NLGN1: variants seen among roughly 807,000 people sequenced by gnomAD.
The protein encoded by NLGN1 is neuroligin-1.
A neutral mutation model predicts 65.5 loss-of-function variants in NLGN1; 12 were observed. The observed-to-expected ratio is 0.18, with a 90% CI of 0.12 to 0.30. The LOEUF is 0.30. NLGN1 is among the 10% of genes least tolerant of loss of function. NLGN1 has a pLI of 1.00. For synonymous variants in NLGN1, 350 were observed against 359.5 expected, an observed-to-expected ratio of 0.97 and a Z score of 0.30; for missense variants, 750 against 1,007.1, an observed-to-expected ratio of 0.74 and a Z score of 3.46.
intron 2 of NLGN1, among the ~76,000 whole-genome samples, chr3:173,567,258 T>G (rs1426219441): frequency 1.3e-5 from 2 of 152,222 alleles, no homozygotes; most frequent in African/African-American, 4.8e-5. Flanking sequence ...GAGGGCAGAT[T>G]CACCAAGTTC....
intron 4 of NLGN1, among the ~76,000 whole-genome samples, chr3:173,906,410 C>T (rs1738395687): frequency 6.6e-6 from 1 of 152,138 alleles, no homozygotes; most frequent in Non-Finnish European, 1.5e-5. Flanking sequence ...TGATAAAACT[C>T]AATGCCTTAT....
chr3:173,823,969 C>G (rs1293012717), intron 4 of NLGN1, among the ~76,000 whole-genome samples: 1 of 150,140 alleles, frequency 6.7e-6, no homozygotes, highest in Admixed American at 6.6e-5. Flanking sequence ...GAAAACACTT[C>G]GTTATTTTTA....
At chr3:173,586,437 C>G (rs749486555) in intron 2 of NLGN1, among the ~76,000 whole-genome samples, 1 of 152,090 alleles carries the variant, frequency 6.6e-6, no homozygotes, top group Non-Finnish European at 1.5e-5. Flanking sequence ...GACGTTCTGA[C>G]TATTAAAAGA....
chr3:173,538,017 G>A (rs1273971764), intron 2 of NLGN1, among the ~76,000 whole-genome samples: 8 of 152,144 alleles, frequency 5.3e-5, no homozygotes, highest in Non-Finnish European at 1.0e-4. Flanking sequence ...TGTCACCTAG[G>A]GGAAGCATTT....
intron 1 of NLGN1, among the ~76,000 whole-genome samples, chr3:173,419,494 A>G (rs1483853666): frequency 6.6e-6 from 1 of 151,996 alleles, no homozygotes; most frequent in Admixed American, 6.6e-5. Context: ...TTAGCCATTT[A>G]GGCTGATGCC....
intron 4 of NLGN1, among the ~76,000 whole-genome samples, chr3:174,081,657 G>A (rs2152550803): frequency 7.4e-6 from 1 of 134,778 alleles, no homozygotes; most frequent in Admixed American, 8.1e-5. Flanking sequence ...GCATGATCTT[G>A]GCTCACCGGG....
intron 3 of NLGN1, chr3:173,695,682 A>C (rs1766109438): frequency 5.4e-6 from 1 of 185,754 alleles, no homozygotes; most frequent in African/African-American, 2.4e-5. Context: ...CTTTTTGCCA[A>C]ACCAGTAATG....
chr3:173,862,359 A>C (rs1180826555), intron 4 of NLGN1, among the ~76,000 whole-genome samples: 1 of 151,438 alleles, frequency 6.6e-6, no homozygotes, highest in African/African-American at 2.4e-5. Context: ...ACAAAAAATT[A>C]GCCGGGCGTA....
At chr3:173,725,451 A>G (rs952566876) in intron 3 of NLGN1, among the ~76,000 whole-genome samples, 3 of 152,214 alleles carry the variant, frequency 2.0e-5, no homozygotes, top group African/African-American at 7.2e-5. Flanking sequence ...AAAGATCTGC[A>G]GCAATGCCTA....
chr3:174,288,728 C>T (rs1036594734), downstream of NLGN1, among the ~76,000 whole-genome samples: 6 of 151,428 alleles, frequency 4.0e-5, no homozygotes, highest in South Asian at 2.1e-4. Context: ...TAAACACTTA[C>T]GTATAGTTCA....
chr3:174,062,981 C>T (rs1273140517), intron 4 of NLGN1, among the ~76,000 whole-genome samples: 1 of 152,092 alleles, frequency 6.6e-6, no homozygotes, highest in East Asian at 1.9e-4. Flanking sequence ...ACTCATCCAT[C>T]AAACAGTTCC....
intron 4 of NLGN1, among the ~76,000 whole-genome samples, chr3:173,930,611 A>AT (rs897256414): frequency 6.6e-6 from 1 of 152,212 alleles, no homozygotes; most frequent in African/African-American, 2.4e-5. Flanking sequence ...AGAAAGAAGG[A>AT]TAGAGTTTAG....
intron 3 of NLGN1, among the ~76,000 whole-genome samples, chr3:173,793,687 A>G (rs1390523197): frequency 6.6e-6 from 1 of 152,190 alleles, no homozygotes; most frequent in Admixed American, 6.5e-5. Flanking sequence ...TTGCAAACAC[A>G]AATGGAATAA....
intron 3 of NLGN1, among the ~76,000 whole-genome samples, chr3:173,739,816 G>T (rs940866530): frequency 2.6e-5 from 4 of 152,048 alleles, no homozygotes; most frequent in African/African-American, 9.7e-5. Context: ...ACAAAACAAA[G>T]GTTGTAAATG....
intron 4 of NLGN1, among the ~76,000 whole-genome samples, chr3:174,154,265 T>A (rs933940136): frequency 1.4e-5 from 2 of 138,094 alleles, no homozygotes; most frequent in Non-Finnish European, 3.0e-5. Flanking sequence ...AATACCAGAT[T>A]TTTAAAAATA....
intron 4 of NLGN1, chr3:174,180,760 G>A (rs918790652): frequency 4.6e-5 from 7 of 151,988 alleles, no homozygotes; most frequent in Non-Finnish European, 8.8e-5. Context: ...ATATAAATGA[G>A]TAAGATAAAC....
At chr3:174,176,934 CTG>C (rs2152741974) in intron 4 of NLGN1, among the ~76,000 whole-genome samples, 1 of 152,134 alleles carries the variant, frequency 6.6e-6, no homozygotes, top group Non-Finnish European at 1.5e-5. Context: ...ATACTTGTAA[CTG>C]TGCAGTGCTA....
At chr3:173,738,102 A>G (rs1265629232) in intron 3 of NLGN1, among the ~76,000 whole-genome samples, 1 of 151,878 alleles carries the variant, frequency 6.6e-6, no homozygotes, top group East Asian at 1.9e-4. Flanking sequence ...TTTTTTTTAA[A>G]TTTTTATTAT....
intron 4 of NLGN1, among the ~76,000 whole-genome samples, chr3:174,067,200 T>G (rs916310693): frequency 1.3e-5 from 2 of 152,156 alleles, no homozygotes; most frequent in Non-Finnish European, 2.9e-5. Context: ...TTTTCTTCCG[T>G]TGCTGAGAGA....
Sources: allele counts gnomAD v4.1 joint callset (sites outside exome capture counted in the v4.1 genomes callset), GRCh38; gene constraint gnomAD v4.1.1; transcripts MANE v1.5; gene names NCBI Gene and HGNC (gene_info 2026-07-23, HGNC 2026-07-21).